GLCCI1: variants seen among roughly 807,000 people sequenced by gnomAD.
GLCCI1 encodes the protein glucocorticoid induced 1, also known as glucocorticoid-induced transcript 1 protein.
Under a neutral mutation model 52.2 loss-of-function variants are expected in GLCCI1, and 24 were observed. The observed-to-expected ratio is 0.46, with a 90% CI of 0.33 to 0.65. GLCCI1 has a LOEUF of 0.65. Among genes scored for constraint, GLCCI1 ranks in the 30% least tolerant of loss-of-function variants. GLCCI1 has a pLI of 0.02. For synonymous variants in GLCCI1, 310 were observed against 276.5 expected (o/e 1.12, Z -1.20); for missense variants, 704 against 701.5 (o/e 1.00, Z -0.04).
intron 3 of GLCCI1, among the ~76,000 whole-genome samples, chr7:8,033,252 T>G (rs538150998): frequency 5.3e-5 from 8 of 151,970 alleles, no homozygotes; most frequent in Admixed American, 2.0e-4. Flanking sequence ...AGAAGAAAAC[T>G]TTCTTCATCT....
intron 3 of GLCCI1, among the ~76,000 whole-genome samples, chr7:8,026,403 C>G (rs1050773072): frequency 3.9e-5 from 6 of 152,186 alleles, no homozygotes; most frequent in African/African-American, 1.4e-4. Flanking sequence ...CCTCCCACCC[C>G]CAATGGAGTA....
chr7:7,971,767 A>T (rs933870257), intron 1 of GLCCI1, among the ~76,000 whole-genome samples: 1 of 152,234 alleles, frequency 6.6e-6, no homozygotes, highest in Non-Finnish European at 1.5e-5. Flanking sequence ...GTAGTGTGGC[A>T]CATACGAGTT....
chr7:7,996,316 T>G (rs1208962909), intron 1 of GLCCI1, among the ~76,000 whole-genome samples: 1 of 152,208 alleles, frequency 6.6e-6, no homozygotes, highest in Non-Finnish European at 1.5e-5. Context: ...TGAATCTCCT[T>G]CTACTAATTA....
chr7:7,977,344 T>C (rs955144968), intron 1 of GLCCI1, among the ~76,000 whole-genome samples: 1 of 152,254 alleles, frequency 6.6e-6, no homozygotes, highest in Non-Finnish European at 1.5e-5. Flanking sequence ...ACTGATTCTA[T>C]AAATTTGCTT....
chr7:8,077,988 A>C (rs879505571), intron 6 of GLCCI1, among the ~76,000 whole-genome samples: 2 of 151,980 alleles, frequency 1.3e-5, no homozygotes, highest in Non-Finnish European at 2.9e-5. Flanking sequence ...TAATCCCAGC[A>C]CTTTGGGAGG....
chr7:8,066,121 C>T (rs1043275606), intron 5 of GLCCI1, among the ~76,000 whole-genome samples: 1 of 152,040 alleles, frequency 6.6e-6, no homozygotes, highest in Non-Finnish European at 1.5e-5. Flanking sequence ...CTGGTTCAGT[C>T]TTGGGAGTTT....
chr7:8,006,440 T>G (rs1244014196), intron 2 of GLCCI1, among the ~76,000 whole-genome samples: 1 of 152,214 alleles, frequency 6.6e-6, no homozygotes, highest in Non-Finnish European at 1.5e-5. Flanking sequence ...ATTTTTTATC[T>G]GTGCAGTGGG....
intron 2 of GLCCI1, among the ~76,000 whole-genome samples, chr7:8,021,518 T>G (rs1781491203): frequency 6.8e-6 from 1 of 147,458 alleles, no homozygotes; most frequent in African/African-American, 2.6e-5. Context: ...GTTCAAGTGA[T>G]TCTCCTGTCT....
At chr7:8,054,071 A>T (rs1409094740) in intron 3 of GLCCI1, among the ~76,000 whole-genome samples, 1 of 152,168 alleles carries the variant, frequency 6.6e-6, no homozygotes. Flanking sequence ...ATGAGTAAGT[A>T]CAGATTATAT....
At chr7:8,022,137 G>C (rs994699861) in intron 2 of GLCCI1, among the ~76,000 whole-genome samples, 1 of 152,084 alleles carries the variant, frequency 6.6e-6, no homozygotes, top group African/African-American at 2.4e-5. Flanking sequence ...ATTGAATTTA[G>C]TGGAAATACC....
chr7:8,061,101 CTTTTT>C (rs1183119492), intron 5 of GLCCI1, among the ~76,000 whole-genome samples: 1 of 138,908 alleles, frequency 7.2e-6, no homozygotes, highest in Non-Finnish European at 1.6e-5. Flanking sequence ...TGCTAGTGAT[CTTTTT>C]TTTTTTTTTT....
At chr7:7,987,774 T>A (rs1040464538) in intron 1 of GLCCI1, among the ~76,000 whole-genome samples, 1 of 151,984 alleles carries the variant, frequency 6.6e-6, no homozygotes, top group African/African-American at 2.4e-5. Flanking sequence ...TATTTTTTAT[T>A]TTTTTTAGAA....
At chr7:7,984,236 T>C (rs1401013935) in intron 1 of GLCCI1, among the ~76,000 whole-genome samples, 2 of 152,136 alleles carry the variant, frequency 1.3e-5, no homozygotes, top group Non-Finnish European at 2.9e-5. Context: ...AATTTTTTAA[T>C]TTTTATAGAG....
In GLCCI1 at chr7:7,969,229, A is replaced by T; in HGVS notation, c.-122A>T. On this transcript the variant is annotated 5_prime_UTR_variant, in exon 1 of 8. Coordinates refer to ENST00000223145, the MANE Select transcript of GLCCI1 (RefSeq NM_138426.4). This position sits in a 1 kb window ranked among gnomAD's most constrained non-coding sequence, Gnocchi z 4.9. ...GCCCCGAGACTCCTCCCCCACAGCGATACCCCCGCCCCTCCCCCTTACACA... is the reference window on the plus strand; with the variant it reads ...GCCCCGAGACTCCTCCCCCACAGCGTTACCCCCGCCCCTCCCCCTTACACA... 3 of 240,808 alleles carry T rather than the reference A, an allele frequency of 1.2e-5. No homozygotes were observed. Among genetic ancestry groups the T allele is most frequent in the South Asian group, 9.8e-5 (1 of 10,172 alleles). 14.9% of individuals were successfully genotyped at this position (240,808 alleles called of 1,614,324 possible).
intron 1 of GLCCI1, among the ~76,000 whole-genome samples, chr7:7,999,896 C>T (rs529191072): frequency 8.5e-5 from 13 of 152,134 alleles, no homozygotes; most frequent in Non-Finnish European, 1.5e-4. Flanking sequence ...AGAACTAGAC[C>T]GTCTGTAGAA....
At chr7:8,082,543 A>AT (rs1450027522) in intron 6 of GLCCI1, among the ~76,000 whole-genome samples, 5 of 152,034 alleles carry the variant, frequency 3.3e-5, no homozygotes, top group Non-Finnish European at 5.9e-5. Context: ...TAGTCTCAAA[A>AT]TTTTTTTCTT....
intron 1 of GLCCI1, among the ~76,000 whole-genome samples, chr7:7,991,417 G>A (rs1381550749): frequency 1.3e-5 from 2 of 152,022 alleles, no homozygotes; most frequent in African/African-American, 4.8e-5. Flanking sequence ...AATTTTCCAA[G>A]GAAGGATGTT....
At chr7:8,052,571 T>A (rs1384938756) in intron 3 of GLCCI1, among the ~76,000 whole-genome samples, 2 of 152,208 alleles carry the variant, frequency 1.3e-5, no homozygotes, top group Non-Finnish European at 1.5e-5. Context: ...CTACTGTGTG[T>A]AATGGGTGGT....
intron 1 of GLCCI1, among the ~76,000 whole-genome samples, chr7:7,998,151 C>T (rs1780974638): frequency 6.8e-6 from 1 of 147,556 alleles, no homozygotes; most frequent in Admixed American, 6.8e-5. Context: ...TTCAGACTTA[C>T]ATTTTTGAGG....
Sources: allele counts gnomAD v4.1 joint callset (sites outside exome capture counted in the v4.1 genomes callset), GRCh38; gene constraint gnomAD v4.1.1; non-coding constraint Gnocchi (gnomAD v3.1); transcripts MANE v1.5; gene names NCBI Gene and HGNC (gene_info 2026-07-23, HGNC 2026-07-21).